GSR: variants seen among roughly 807,000 people sequenced by gnomAD.
GSR encodes glutathione reductase, mitochondrial.
GSR carries 48 observed loss-of-function variants against 56.5 expected under a neutral mutation model. The ratio of observed to expected loss-of-function variants is 0.85; its 90% CI spans 0.67 to 1.08. The LOEUF is 1.08. Among genes scored for constraint, GSR ranks in the 50% least tolerant of loss-of-function variants. GSR has a pLI of 0.00. For synonymous variants in GSR, 264 were observed against 270.8 expected (o/e 0.97, Z 0.25); for missense variants, 694 against 703.3 (o/e 0.99, Z 0.15).
At chr8:30,684,984 T>C (rs1045731914) in intron 9 of GSR, among the ~76,000 whole-genome samples, 1 of 124,784 alleles carries the variant, frequency 8.0e-6, no homozygotes, top group Non-Finnish European at 1.7e-5. Flanking sequence ...TTTATTTATT[T>C]ATTGAGATGG....
rs142014118 is a variant in GSR, at chr8:30,688,134, C to T, written c.1041+1027G>A. On this transcript the variant is annotated intron_variant, in intron 9 of 12. Transcript: ENST00000221130. Reference sequence around the variant, plus strand: ...AGAGAGACAGCTTCACATCTGTTCCCATCCCTGTGTACAATGTACAAGACA... The same window carrying T: ...AGAGAGACAGCTTCACATCTGTTCCTATCCCTGTGTACAATGTACAAGACA... Among the ~76,000 whole-genome samples the T allele has an allele frequency of 3.6e-3, 542 of 152,328 alleles. 3 individuals are homozygous for T. The highest frequency in any genetic ancestry group is 0.012 in the African/African-American group (506 of 41,570).
In GSR at chr8:30,705,621, A is replaced by C. The variant is rs142165688; in HGVS notation, c.493-2381T>G. Among the ~76,000 whole-genome samples the C allele has an allele frequency of 2.5e-3, 380 of 152,190 alleles. 1 individual carries two copies. The highest frequency in any genetic ancestry group is 8.8e-3 in the African/African-American group (367 of 41,538). ...TGGGACAGTGCTTATAGCCCAAGCT[A>C]CTCAGGGGGCTGAGGTGGGAGGATT... On this transcript the variant is annotated intron_variant, in intron 4 of 12. Transcript: ENST00000221130.
At chr8:30,687,674 A>ACAAT (rs1396593213) in intron 9 of GSR, 2 of 152,332 alleles carry the variant, frequency 1.3e-5, no homozygotes, top group African/African-American at 4.8e-5. Context: ...AAACAAACAA[A>ACAAT]CAAAAAAACC....
intron 1 of GSR, among the ~76,000 whole-genome samples, chr8:30,722,266 C>T (rs982013978): frequency 1.3e-5 from 2 of 152,160 alleles, no homozygotes; most frequent in Admixed American, 6.5e-5. Context: ...TATGGCCACT[C>T]CTTTATTTGT....
At position 30,679,545 on chromosome 8, in the gene GSR, G is replaced by A; in HGVS notation, c.1544C>T (p.Ser515Leu). The change falls in exon 13 of 13, where the codon TCA (serine) becomes TTA (leucine). Residue 515 changes from serine (S) to leucine (L), a missense_variant. Transcript: ENST00000221130. ...DNTVAIHPTS[S>L]EELVTLR ...TCAACGAAGTGTGACCAGCTCTTCTGAAGAGGTAGGGTGAATGGCGACTGT... is the reference window on the plus strand; with the variant it reads ...TCAACGAAGTGTGACCAGCTCTTCTAAAGAGGTAGGGTGAATGGCGACTGT... 1 of 1,614,136 alleles carries A rather than the reference G, an allele frequency of 6.2e-7. No individual in the cohort carries two copies. Among genetic ancestry groups the A allele is most frequent in the Non-Finnish European group, 8.5e-7 (1 of 1,180,020 alleles).
At chr8:30,727,486 A>T (rs1804772503) in intron 1 of GSR, 44 bp downstream of exon 1, 2 of 1,505,416 alleles carry the variant, frequency 1.3e-6, no homozygotes, top group African/African-American at 2.8e-5. Flanking sequence ...CGAAAGACCG[A>T]GACAAAGAGG....
intron 9 of GSR, 22 bp downstream of exon 9, chr8:30,689,139 C>G: frequency 6.2e-7 from 1 of 1,612,274 alleles, no homozygotes; most frequent in Non-Finnish European, 8.5e-7. Context: ...ACAAATGTTT[C>G]GGGCAGACCA....
At chr8:30,701,493 T>C (rs1362332168) in intron 5 of GSR, among the ~76,000 whole-genome samples, 2 of 148,254 alleles carry the variant, frequency 1.3e-5, no homozygotes, top group African/African-American at 2.5e-5. Flanking sequence ...CAAAAAAATA[T>C]ATATGTTGCA....
In GSR at chr8:30,703,117, T is replaced by G. The variant is rs753440483; in HGVS notation, c.616A>C (p.Thr206Pro). 4.3e-6 allele frequency: 7 copies of G among 1,613,974 alleles called. No homozygotes were observed. The highest frequency in any genetic ancestry group is 1.7e-4 in the Middle Eastern group (1 of 6,058). ...CCGGGGATCTGGCTCTCATGAGGGG[T>G]GGAGGGCATACCACCTGTGGCGATC... ...ILIATGGMPS[T>P]PHESQIPGAS... Residue 206 changes from threonine to proline, a missense_variant, in exon 5 of 13, where the codon ACC (threonine) becomes CCC (proline). Physicochemically the swap from Thr to Pro is conservative, Grantham distance 38. Coordinates refer to ENST00000221130, the MANE Select transcript of GSR (RefSeq NM_000637.5).
chr8:30,710,766 A>AT (rs1359407008), intron 2 of GSR, among the ~76,000 whole-genome samples: 8 of 145,662 alleles, frequency 5.5e-5, no homozygotes, highest in African/African-American at 2.0e-4. Context: ...AAAAGAAAAA[A>AT]AAATATATAA....
intron 10 of GSR, 91 bp from the exon 11 acceptor site, chr8:30,682,152 T>C (rs1693779221): frequency 9.6e-7 from 1 of 1,041,040 alleles, no homozygotes; most frequent in South Asian, 1.3e-5. Flanking sequence ...TCTACCTTAA[T>C]GCCCTAGTTC....
chr8:30,717,581 A>C (rs887993062), intron 1 of GSR, among the ~76,000 whole-genome samples: 1 of 152,076 alleles, frequency 6.6e-6, no homozygotes, highest in African/African-American at 2.4e-5. Context: ...TTCTCATAGG[A>C]GCGTGAACCC....
intron 8 of GSR, among the ~76,000 whole-genome samples, chr8:30,692,494 A>AAT (rs1803419390): frequency 3.2e-5 from 1 of 30,882 alleles, no homozygotes; most frequent in Non-Finnish European, 7.0e-5. Flanking sequence ...CCACACCCAG[A>AAT]CTTTTTTTTT....
rs750316421 is a variant in GSR at position 30,727,629 on chromosome 8, C to T, written c.207G>A (p.Val69=). Reference sequence around the variant, plus strand: ...CCAGCCCGCCCGAGCCGCCCCCGATCACCAGGTAGTCATAGGAGGCCACGG... The same window carrying T: ...CCAGCCCGCCCGAGCCGCCCCCGATTACCAGGTAGTCATAGGAGGCCACGG... ...AGAVASYDYL[V]IGGGSGGLAS... The change falls in exon 1 of 13, where the codon GTG becomes GTA. Residue 69 remains valine, a synonymous_variant. Coordinates refer to ENST00000221130, the MANE Select transcript of GSR (RefSeq NM_000637.5). 1.5e-5 allele frequency: 23 copies of T among 1,507,558 alleles called. No individual in the cohort carries two copies. In the South Asian group the frequency reaches 2.8e-4, roughly 19 times the overall value. 93.4% of individuals were successfully genotyped at this position (1,507,558 alleles called of 1,614,324 possible).
At chr8:30,714,519 T>G (rs28707724) in intron 1 of GSR, among the ~76,000 whole-genome samples, 1 of 151,040 alleles carries the variant, frequency 6.6e-6, no homozygotes, top group Non-Finnish European at 1.5e-5. Flanking sequence ...TAAAAAAAAA[T>G]AAAAAATATT....
At chr8:30,684,933 ATTTATTTATT>A (rs1334335309) in intron 9 of GSR, among the ~76,000 whole-genome samples, 5 of 346 alleles carry the variant, frequency 0.014, no homozygotes, top group African/African-American at 0.087. Context: ...ACATACATTT[ATTTATTTATT>A]TATTTATTTA....
At chr8:30,682,179 T>C (rs1004513486) in intron 10 of GSR, 118 bp from the exon 11 acceptor site, 1 of 844,168 alleles carries the variant, frequency 1.2e-6, no homozygotes, top group Non-Finnish European at 2.0e-6. Context: ...TTTCACACCA[T>C]TGTTCATTAC....
chr8:30,697,015 C>T (rs1158064066), intron 6 of GSR, among the ~76,000 whole-genome samples: 1 of 148,464 alleles, frequency 6.7e-6, no homozygotes, highest in Non-Finnish European at 1.5e-5. Context: ...TTCTATTAAT[C>T]TTTTTTTTTT....
At chr8:30,682,138 T>C (rs1025866183) in intron 10 of GSR, 77 bp from the exon 11 acceptor site, 5 of 1,172,892 alleles carry the variant, frequency 4.3e-6, no homozygotes, top group Non-Finnish European at 6.4e-6. Context: ...TAGCCATTTA[T>C]CCATCTACCT....
Sources: gnomAD v4.1 joint callset for allele counts (sites outside exome capture counted in the v4.1 genomes callset) on GRCh38, gnomAD v4.1.1 for gene constraint, MANE v1.5 for transcripts, NCBI Gene and HGNC (gene_info 2026-07-23, HGNC 2026-07-21) for gene names.